Variants in FGD4 observed in about 807,000 individuals in gnomAD.
FGD4 encodes FYVE, RhoGEF and PH domain-containing protein 4.
A neutral mutation model predicts 102.0 loss-of-function variants in FGD4; 42 were observed. The ratio of observed to expected loss-of-function variants is 0.41; its 90% confidence interval spans 0.32 to 0.53. The LOEUF (loss-of-function observed/expected upper bound fraction) is 0.53, where lower values mean the gene tolerates loss of function less well. Ranked by LOEUF, FGD4 falls within the 20% of genes least tolerant of loss-of-function variation. FGD4 has a pLI of 0.21. For missense variants in FGD4, 902 were observed against 1,078.2 expected (o/e 0.84, Z 2.29); for synonymous variants, 380 against 375.7 (o/e 1.01, Z -0.13).
At chr12:32,569,455 C>A (rs1005755414) in intron 2 of FGD4, among the ~76,000 whole-genome samples, 2 of 152,126 alleles carry the variant, frequency 1.3e-5, no homozygotes, top group Non-Finnish European at 2.9e-5. Flanking sequence ...GCCTCCAGAC[C>A]CCAGCTGTCC....
intron 1 of FGD4, among the ~76,000 whole-genome samples, chr12:32,485,569 C>A (rs1591991586): frequency 6.6e-6 from 1 of 150,950 alleles, no homozygotes; most frequent in South Asian, 2.1e-4. Context: ...GCCTCCCGAG[C>A]AGCTGGGACT....
chr12:32,500,338 T>C (rs1343145455), intron 1 of FGD4, among the ~76,000 whole-genome samples: 1 of 152,154 alleles, frequency 6.6e-6, no homozygotes, highest in Admixed American at 6.5e-5. Flanking sequence ...CAGTACTTGT[T>C]AATAGAAACA....
chr12:32,624,766 G>T lies in FGD4; in HGVS notation c.1954-210G>T, dbSNP rs990550272. 4 of 623,770 alleles carry T rather than the reference G, an allele frequency of 6.4e-6. No homozygotes were observed. In the South Asian group the frequency reaches 7.1e-5, roughly 11 times the overall value. 38.6% of individuals were successfully genotyped at this position (623,770 alleles called of 1,614,324 possible). A position where few individuals can be genotyped will look rare whatever the true frequency, so the allele number is the denominator to read the frequency against. ...TGGGATTACAGGTGTGAGCCACCAC[G>T]CCCAGCTTATTTTCACTTTTGTTTT... On this transcript the variant is annotated intron_variant, in intron 12 of 16. Transcript: ENST00000534526.
chr12:32,586,031 T>G (rs1488246612), intron 4 of FGD4, among the ~76,000 whole-genome samples: 1 of 151,856 alleles, frequency 6.6e-6, no homozygotes, highest in Non-Finnish European at 1.5e-5. Flanking sequence ...GAGGCAAGAT[T>G]GTAGATGCTG....
intron 1 of FGD4, among the ~76,000 whole-genome samples, chr12:32,462,216 C>A (rs1054385768): frequency 2.0e-5 from 3 of 151,972 alleles, no homozygotes; most frequent in Admixed American, 2.0e-4. Context: ...CTTTTTTTTG[C>A]AGTGACCTCA....
At chr12:32,572,087 T>G (rs1232844763) in intron 2 of FGD4, among the ~76,000 whole-genome samples, 1 of 151,840 alleles carries the variant, frequency 6.6e-6, no homozygotes, top group Non-Finnish European at 1.5e-5. Context: ...TGTATGTATG[T>G]TTACACACAC....
chr12:32,580,691 T>C lies in FGD4; in HGVS notation c.504-1269T>C, dbSNP rs561914932. Among the ~76,000 whole-genome samples, 29 of 152,060 alleles carry C rather than the reference T, an allele frequency of 1.9e-4. No individual in the cohort carries two copies. In the East Asian group the frequency reaches 4.7e-3, roughly 24 times the overall value. On this transcript the variant is annotated intron_variant, in intron 3 of 16. Transcript: ENST00000534526. ...TCACGAGGTCAGGAGATCGAGACCA[T>C]CCTGGCTAACACGGTGAAACCCCGT...
chr12:32,572,111 C>T (rs747432400), intron 2 of FGD4, among the ~76,000 whole-genome samples: 2 of 152,056 alleles, frequency 1.3e-5, no homozygotes, highest in Non-Finnish European at 2.9e-5. Flanking sequence ...TACATACACA[C>T]ACACGCATAA....
intron 5 of FGD4, among the ~76,000 whole-genome samples, chr12:32,599,978 A>T (rs1948261059): frequency 6.6e-6 from 1 of 152,216 alleles, no homozygotes; most frequent in Non-Finnish European, 1.5e-5. Flanking sequence ...CACTTCTGCC[A>T]TTGGAAACTG....
chr12:32,413,611 A>T (rs1431830095), intron 1 of FGD4, among the ~76,000 whole-genome samples: 1 of 152,214 alleles, frequency 6.6e-6, no homozygotes, highest in African/African-American at 2.4e-5. Flanking sequence ...CCTCAAGGTC[A>T]TCTGGGAGCT....
At chr12:32,501,630 T>TC (rs1938225981) in intron 1 of FGD4, among the ~76,000 whole-genome samples, 1 of 152,260 alleles carries the variant, frequency 6.6e-6, no homozygotes, top group African/African-American at 2.4e-5. Flanking sequence ...TATTATTTTA[T>TC]AACACAATTG....
intron 1 of FGD4, among the ~76,000 whole-genome samples, chr12:32,491,180 A>T (rs1944084018): frequency 6.6e-6 from 1 of 151,842 alleles, no homozygotes; most frequent in Non-Finnish European, 1.5e-5. Context: ...AAAGGTATAT[A>T]AGCATTATAG....
At chr12:32,400,104 G>T in intron 1 of FGD4, 145 bp downstream of exon 1, 1 of 1,193,790 alleles carries the variant, frequency 8.4e-7, no homozygotes, top group Non-Finnish European at 1.1e-6. Flanking sequence ...GGCTGCGCTC[G>T]GCCACCCACT....
At chr12:32,591,247 T>TA (rs1192273315) in intron 4 of FGD4, among the ~76,000 whole-genome samples, 28 of 152,330 alleles carry the variant, frequency 1.8e-4, no homozygotes, top group African/African-American at 6.5e-4. Flanking sequence ...TCATGTCCTA[T>TA]AAAAACCTGA....
intron 10 of FGD4, among the ~76,000 whole-genome samples, chr12:32,616,394 G>A (rs972842979): frequency 6.6e-6 from 1 of 152,194 alleles, no homozygotes; most frequent in African/African-American, 2.4e-5. Context: ...AACATATGCC[G>A]TTGCCTCCCA....
chr12:32,609,343 C>A (rs1424343773), intron 8 of FGD4, among the ~76,000 whole-genome samples: 1 of 152,136 alleles, frequency 6.6e-6, no homozygotes, highest in Non-Finnish European at 1.5e-5. Context: ...TCTCCATTTT[C>A]CATCCATCTC....
chr12:32,634,940 ATT>A (rs1950709579), intron 15 of FGD4, among the ~76,000 whole-genome samples: 3 of 152,108 alleles, frequency 2.0e-5, no homozygotes. Context: ...GTGAGCCAAG[ATT>A]GCGCCACTGC....
At chr12:32,410,702 T>G (rs1429290738) in intron 1 of FGD4, among the ~76,000 whole-genome samples, 1 of 152,044 alleles carries the variant, frequency 6.6e-6, no homozygotes, top group African/African-American at 2.4e-5. Context: ...TCATTGGAAT[T>G]AAACTGTCAG....
At chr12:32,438,885 G>A (rs184630544) in intron 1 of FGD4, among the ~76,000 whole-genome samples, 1 of 152,294 alleles carries the variant, frequency 6.6e-6, no homozygotes, top group Non-Finnish European at 1.5e-5. Context: ...TGGGATTACA[G>A]GCGTGAGCCA....
Sources: gnomAD v4.1 joint callset for allele counts (sites outside exome capture counted in the v4.1 genomes callset) on GRCh38, gnomAD v4.1.1 for gene constraint, MANE v1.5 for transcripts, NCBI Gene and HGNC (gene_info 2026-07-23, HGNC 2026-07-21) for gene names.